CDHR3: variants seen among roughly 807,000 people sequenced by gnomAD.
The protein encoded by CDHR3 is cadherin-related family member 3.
CDHR3 carries 79 observed loss-of-function variants against 86.6 expected under a neutral mutation model. The ratio of observed to expected loss-of-function variants is 0.91; its 90% CI spans 0.76 to 1.10. The LOEUF (loss-of-function observed/expected upper bound fraction) is 1.10, where lower values mean the gene tolerates loss of function less well. Ranked by LOEUF, CDHR3 falls within the 50% of genes least tolerant of loss-of-function variation. CDHR3 has a pLI of 0.00. For missense variants in CDHR3, 1,081 were observed against 1,077.6 expected (o/e 1.00, Z -0.04); for synonymous variants, 421 against 402.4 (o/e 1.05, Z -0.55).
Position 105,982,982 on chromosome 7 carries a change from C to CAA in CDHR3, c.416-1190_416-1189dup, listed in dbSNP as rs57923583. Among the ~76,000 whole-genome samples, 1,240 of 130,578 alleles carry CAA rather than the reference C, an allele frequency of 9.5e-3. 15 individuals carry two copies. Among genetic ancestry groups the CAA allele is most frequent in the African/African-American group, 0.022 (754 of 33,638 alleles). 85.7% of individuals were successfully genotyped at this position (130,578 alleles called of 152,430 possible). ...TGGGTTACAAAGCAAGACCCTATCT[C>CAA]AAAAAAAAAAAAAAAAAAAAATCTT... is the stretch of plus-strand genomic sequence containing the variant. On this transcript the variant is annotated intron_variant, in intron 3 of 18. Transcript: ENST00000317716.
At chr7:105,981,993 G>A (rs961425361) in intron 3 of CDHR3, among the ~76,000 whole-genome samples, 3 of 152,088 alleles carry the variant, frequency 2.0e-5, no homozygotes, top group Non-Finnish European at 4.4e-5. Flanking sequence ...CATGGTCCAA[G>A]CCACTCATCC....
chr7:105,998,357 C>G (rs1490619827), intron 6 of CDHR3, among the ~76,000 whole-genome samples: 4 of 152,218 alleles, frequency 2.6e-5, no homozygotes, highest in Non-Finnish European at 5.9e-5. Context: ...GCAATTAACA[C>G]AACCAAAGCA....
intron 8 of CDHR3, among the ~76,000 whole-genome samples, chr7:106,011,369 CCCT>C (rs1834776217): frequency 6.6e-6 from 1 of 151,986 alleles, no homozygotes; most frequent in Non-Finnish European, 1.5e-5. Context: ...TTGGGACTTG[CCCT>C]CTCTTGTTAC....
At chr7:105,982,838 C>A (rs763747312) in intron 3 of CDHR3, among the ~76,000 whole-genome samples, 1 of 151,792 alleles carries the variant, frequency 6.6e-6, no homozygotes, top group Admixed American at 6.6e-5. Context: ...CCAATATTAG[C>A]CAGATGTGGT....
intron 13 of CDHR3, 79 bp downstream of exon 13, chr7:106,020,623 A>C (rs921613234): frequency 6.7e-7 from 1 of 1,491,062 alleles, no homozygotes; most frequent in African/African-American, 1.4e-5. Context: ...CTGTGCTCAC[A>C]CACTGATCTG....
At chr7:105,978,685 G>A (rs1437876384) in intron 2 of CDHR3, among the ~76,000 whole-genome samples, 2 of 152,120 alleles carry the variant, frequency 1.3e-5, no homozygotes, top group Non-Finnish European at 2.9e-5. Flanking sequence ...TGGCAAGTCT[G>A]GCACATAAAT....
intron 6 of CDHR3, 45 bp from the exon 7 acceptor site, chr7:106,001,417 C>T (rs1427094212): frequency 6.2e-7 from 1 of 1,608,286 alleles, no homozygotes. Flanking sequence ...TGCTACCTTC[C>T]CGTGCCCCTG....
At chr7:105,987,307 G>A (rs1262271689) in intron 4 of CDHR3, among the ~76,000 whole-genome samples, 2 of 152,196 alleles carry the variant, frequency 1.3e-5, no homozygotes, top group African/African-American at 2.4e-5. Context: ...AGTTGCAGCA[G>A]AAATTGTTAA....
intron 17 of CDHR3, among the ~76,000 whole-genome samples, chr7:106,028,952 C>CTTTCT (rs1554532814): frequency 6.9e-6 from 1 of 145,978 alleles, no homozygotes; most frequent in Admixed American, 6.9e-5. Flanking sequence ...TTCTTTCTTT[C>CTTTCT]TTTCTTTCTT....
chr7:105,965,562 G>GCCCTCCCCCC, intron 1 of CDHR3, among the ~76,000 whole-genome samples: 1 of 56,306 alleles, frequency 1.8e-5, no homozygotes, highest in Non-Finnish European at 4.4e-5. Context: ...CCCAACTCAA[G>GCCCTCCCCCC]CCCCACCCCC....
chr7:105,996,723 C>T (rs908311237), intron 6 of CDHR3, among the ~76,000 whole-genome samples: 9 of 152,194 alleles, frequency 5.9e-5, no homozygotes, highest in African/African-American at 2.2e-4. Context: ...TCACTCACGA[C>T]TCCCTAACGC....
At position 106,001,484 on chromosome 7, in the gene CDHR3, C is replaced by T; in HGVS notation, c.736C>T (p.Leu246=). Residue 246 remains leucine, a synonymous_variant, in exon 7 of 19, where the codon CTG becomes TTG. Transcript: ENST00000317716. ...FTSPTRVYTV[L]EELSPGTIVA... is the part of the protein sequence containing the mutation. ...CAGCCCGACACGAGTGTACACAGTC[C>T]TGGAGGAACTGAGTCCAGGAACCAT... The T allele has an allele frequency of 1.9e-6, 3 of 1,614,036 alleles. No homozygotes were observed. Among genetic ancestry groups the T allele is most frequent in the South Asian group, 2.2e-5 (2 of 91,078 alleles).
intron 1 of CDHR3, among the ~76,000 whole-genome samples, chr7:105,965,502 G>A (rs1201155083): frequency 1.3e-5 from 2 of 150,182 alleles, no homozygotes; most frequent in East Asian, 3.9e-4. Flanking sequence ...AAGTAACATA[G>A]AGTATCCTCT....
chr7:105,989,452 T>C (rs992098539), intron 4 of CDHR3, among the ~76,000 whole-genome samples: 1 of 151,976 alleles, frequency 6.6e-6, no homozygotes, highest in Non-Finnish European at 1.5e-5. Context: ...AGGAAGGGCT[T>C]TTGCATAAAA....
chr7:105,984,113 G>A, intron 3 of CDHR3, 79 bp from the exon 4 acceptor site: 2 of 802,180 alleles, frequency 2.5e-6, no homozygotes, highest in Non-Finnish European at 3.9e-6. Context: ...CCTTGGTTGT[G>A]TACAGCTGCC....
intron 16 of CDHR3, 148 bp downstream of exon 16, chr7:106,026,843 G>A: frequency 2.3e-6 from 2 of 855,566 alleles, no homozygotes; most frequent in South Asian, 1.4e-5. Context: ...AGGAAGCGGA[G>A]GTCGGTTGCA....
At chr7:105,969,551 C>T (rs527726599) in intron 1 of CDHR3, among the ~76,000 whole-genome samples, 2 of 152,218 alleles carry the variant, frequency 1.3e-5, no homozygotes, top group Admixed American at 6.5e-5. Context: ...TGGGTTCTGC[C>T]GTTGAGGCCA....
intron 16 of CDHR3, among the ~76,000 whole-genome samples, chr7:106,027,983 TG>T (rs1413588846): frequency 2.0e-5 from 3 of 151,896 alleles, no homozygotes; most frequent in Non-Finnish European, 2.9e-5. Flanking sequence ...TTAAATTAGC[TG>T]GGTGTGGTAG....
At chr7:106,026,588 G>A in intron 15 of CDHR3, 94 bp from the exon 16 acceptor site, 1 of 1,314,632 alleles carries the variant, frequency 7.6e-7, no homozygotes, top group South Asian at 1.2e-5. Context: ...GTATCTCAAA[G>A]GGCATAGTTG....
Sources: gnomAD v4.1 joint callset for allele counts (sites outside exome capture counted in the v4.1 genomes callset) on GRCh38, gnomAD v4.1.1 for gene constraint, MANE v1.5 for transcripts, NCBI Gene and HGNC (gene_info 2026-07-23, HGNC 2026-07-21) for gene names.